Variants in CXCL13 observed in about 807,000 individuals in gnomAD.
CXCL13 encodes the protein C-X-C motif chemokine 13.
In CXCL13, 7 loss-of-function variants were observed where a neutral mutation model predicts 12.2. The ratio of observed to expected loss-of-function variants is 0.57; its 90% CI spans 0.33 to 1.07. CXCL13 has a LOEUF of 1.07. CXCL13 is among the 50% of genes least tolerant of loss of function. CXCL13 has a pLI of 0.04. For synonymous variants in CXCL13, 47 were observed against 42.4 expected (o/e 1.11, Z -0.42); for missense variants, 113 against 127.4 (o/e 0.89, Z 0.55).
chr4:77,568,347 T>C (rs1046163633), intron 1 of CXCL13, among the ~76,000 whole-genome samples: 2 of 152,214 alleles, frequency 1.3e-5, no homozygotes, highest in African/African-American at 4.8e-5. Flanking sequence ...GGGTGCCCCA[T>C]AGCAGCACAC....
chr4:77,514,987 G>A (rs1053660653), intron 1 of CXCL13, among the ~76,000 whole-genome samples: 3 of 152,040 alleles, frequency 2.0e-5, no homozygotes, highest in Admixed American at 6.5e-5. Context: ...TTTTGTATAA[G>A]GTGTAAGGAA....
intron 2 of CXCL13, among the ~76,000 whole-genome samples, chr4:77,608,226 A>C (rs886803397): frequency 7.9e-5 from 12 of 152,158 alleles, no homozygotes; most frequent in African/African-American, 2.9e-4. Flanking sequence ...GGATCACCTG[A>C]GGTCAGGAGT....
chr4:77,570,900 A>G (rs1726058624), intron 1 of CXCL13, among the ~76,000 whole-genome samples: 1 of 151,850 alleles, frequency 6.6e-6, no homozygotes, highest in Non-Finnish European at 1.5e-5. Context: ...CTGCCTTCCC[A>G]TGGGGCAGGC....
intron 1 of CXCL13, among the ~76,000 whole-genome samples, chr4:77,546,809 C>A (rs57099458): frequency 6.6e-6 from 1 of 152,114 alleles, no homozygotes; most frequent in East Asian, 1.9e-4. Flanking sequence ...TCTTGCTTCT[C>A]TAGTTCTTTT....
chr4:77,610,107 A>T (rs1003936669), intron 2 of CXCL13, among the ~76,000 whole-genome samples: 3 of 152,204 alleles, frequency 2.0e-5, no homozygotes, highest in Admixed American at 6.5e-5. Flanking sequence ...TGGTAATTCG[A>T]CAAAATGCAG....
At chr4:77,518,673 G>A (rs1334101784) in intron 1 of CXCL13, among the ~76,000 whole-genome samples, 12 of 151,958 alleles carry the variant, frequency 7.9e-5, no homozygotes, top group Non-Finnish European at 5.9e-5. Flanking sequence ...TCTCTATATT[G>A]GTTATTCTAG....
At chr4:77,524,264 A>G (rs556423889) in intron 1 of CXCL13, among the ~76,000 whole-genome samples, 2 of 152,314 alleles carry the variant, frequency 1.3e-5, no homozygotes, top group Admixed American at 6.5e-5. Context: ...CTCTCTTCAG[A>G]GAAGGCAGAC....
intron 1 of CXCL13, among the ~76,000 whole-genome samples, chr4:77,595,927 T>C (rs1726740448): frequency 6.6e-6 from 1 of 152,160 alleles, no homozygotes; most frequent in Non-Finnish European, 1.5e-5. Context: ...CATCCAGAGA[T>C]GTGATCACAT....
chr4:77,553,089 G>A (rs1007780948), intron 1 of CXCL13, among the ~76,000 whole-genome samples: 3 of 152,148 alleles, frequency 2.0e-5, no homozygotes, highest in Non-Finnish European at 4.4e-5. Flanking sequence ...ACGGTCTTAG[G>A]GTAGCAGATT....
chr4:77,530,481 A>G (rs1435800252), intron 1 of CXCL13, among the ~76,000 whole-genome samples: 3 of 152,178 alleles, frequency 2.0e-5, no homozygotes, highest in Middle Eastern at 3.4e-3. Context: ...CAGAGATTCA[A>G]TTTCTTCCTG....
In CXCL13 at chr4:77,552,462, G is replaced by T. The variant is rs180680667; in HGVS notation, c.-43+40674G>T. ...TATGGGTAAGAGCCAGCTGTGGCCA[G>T]TACAGCTGGGTATATGTGTGATCCT... On this transcript the variant is annotated intron_variant, in intron 1 of 4. Coordinates refer to the CXCL13 transcript ENST00000286758. Among the ~76,000 whole-genome samples the T allele has an allele frequency of 4.9e-3, 744 of 152,336 alleles. 7 individuals carry two copies. Among genetic ancestry groups the T allele is most frequent in the African/African-American group, 0.017 (691 of 41,572 alleles).
intron 1 of CXCL13, among the ~76,000 whole-genome samples, chr4:77,539,876 C>T (rs1357432640): frequency 6.6e-6 from 1 of 152,064 alleles, no homozygotes; most frequent in Non-Finnish European, 1.5e-5. Context: ...GGGGGGGAAT[C>T]CCTATCCTGC....
At chr4:77,549,061 C>G (rs919486071) in intron 1 of CXCL13, among the ~76,000 whole-genome samples, 38 of 152,198 alleles carry the variant, frequency 2.5e-4, no homozygotes, top group African/African-American at 8.7e-4. Context: ...CTCTAAACTT[C>G]TCTTCTCACT....
chr4:77,519,996 G>C (rs1274886654), intron 1 of CXCL13, among the ~76,000 whole-genome samples: 1 of 152,124 alleles, frequency 6.6e-6, no homozygotes, highest in Non-Finnish European at 1.5e-5. Flanking sequence ...TCTTGTTTTT[G>C]TCAGGTTTGT....
chr4:77,596,059 A>G (rs1055226996), intron 1 of CXCL13, among the ~76,000 whole-genome samples: 3 of 152,244 alleles, frequency 2.0e-5, no homozygotes, highest in African/African-American at 4.8e-5. Context: ...ACAAATTGTT[A>G]CTTTTTGCAA....
At chr4:77,522,093 G>A (rs1724615524) in intron 1 of CXCL13, among the ~76,000 whole-genome samples, 2 of 152,124 alleles carry the variant, frequency 1.3e-5, no homozygotes, top group Admixed American at 6.6e-5. Flanking sequence ...TGTGATTTCT[G>A]TTCTTTCACA....
intron 1 of CXCL13, among the ~76,000 whole-genome samples, chr4:77,541,086 A>T (rs1029633508): frequency 2.0e-5 from 3 of 152,066 alleles, no homozygotes; most frequent in Non-Finnish European, 4.4e-5. Flanking sequence ...TCTTTTGCCC[A>T]TTCTTAATGG....
chr4:77,544,307 T>C (rs1398351565), intron 1 of CXCL13, among the ~76,000 whole-genome samples: 11 of 152,186 alleles, frequency 7.2e-5, no homozygotes, highest in Admixed American at 7.2e-4. Context: ...TTCTAGATTC[T>C]TGAGGAATCA....
intron 1 of CXCL13, among the ~76,000 whole-genome samples, chr4:77,525,251 G>A (rs1047649828): frequency 2.0e-5 from 3 of 152,160 alleles, no homozygotes; most frequent in Non-Finnish European, 2.9e-5. Context: ...AGAGCACACC[G>A]ACTGACTGTT....
Sources: allele counts gnomAD v4.1 joint callset (sites outside exome capture counted in the v4.1 genomes callset), GRCh38; gene constraint gnomAD v4.1.1; transcripts MANE v1.5; gene names NCBI Gene and HGNC (gene_info 2026-07-23, HGNC 2026-07-21).